NCOA1: variants seen among roughly 807,000 people sequenced by gnomAD.
The protein encoded by NCOA1 is Hin-2 protein.
NCOA1 carries 35 observed loss-of-function variants against 150.9 expected under a neutral mutation model. The observed-to-expected ratio is 0.23, with a 90% CI of 0.18 to 0.31. The LOEUF (loss-of-function observed/expected upper bound fraction) is 0.31. Among genes scored for constraint, NCOA1 ranks in the 10% least tolerant of loss-of-function variants. The pLI, the probability that NCOA1 is intolerant of heterozygous loss-of-function variation, is 1.00. For synonymous variants in NCOA1, 590 were observed against 630.0 expected (o/e 0.94, Z 0.95); for missense variants, 1,491 against 1,749.3 (o/e 0.85, Z 2.63).
At position 24,491,545 on chromosome 2, in the gene NCOA1, G is replaced by C. The variant is rs1662958727; in HGVS notation, c.-453G>C. On this transcript the variant is annotated 5_prime_UTR_variant, in exon 1 of 23. Coordinates refer to ENST00000348332, the MANE Select transcript of NCOA1 (RefSeq NM_003743.5). Reference sequence around the variant, plus strand: ...CGGCGGAGGCCGGGGCGGCGCCGCCGCCACGGTCGCGGACGAGTGCGGCGC... The same window carrying C: ...CGGCGGAGGCCGGGGCGGCGCCGCCCCCACGGTCGCGGACGAGTGCGGCGC... 3.2e-4 allele frequency among the ~76,000 whole-genome samples: 1 copy of C among 3,148 alleles called. No individual in the cohort carries two copies. Among genetic ancestry groups the C allele is most frequent in the African/African-American group, 1.2e-3 (1 of 850 alleles). 2.1% of individuals were successfully genotyped at this position (3,148 alleles called of 152,430 possible). A position where few individuals can be genotyped will look rare whatever the true frequency, so the allele number is the denominator to read the frequency against.
chr2:24,766,542 G>A (rs1005756016), intron 22 of NCOA1, among the ~76,000 whole-genome samples: 1 of 152,138 alleles, frequency 6.6e-6, no homozygotes, highest in Non-Finnish European at 1.5e-5. Flanking sequence ...TACAGAAAGG[G>A]AGAAGAAAAA....
intron 1 of NCOA1, among the ~76,000 whole-genome samples, chr2:24,519,315 A>G (rs932054621): frequency 5.9e-5 from 9 of 152,162 alleles, no homozygotes; most frequent in Admixed American, 3.3e-4. Context: ...ACAAAAGATC[A>G]CTATAGAGTG....
At chr2:24,709,171 GATTT>G (rs992060913) in intron 13 of NCOA1, among the ~76,000 whole-genome samples, 1 of 152,180 alleles carries the variant, frequency 6.6e-6, no homozygotes, top group African/African-American at 2.4e-5. Context: ...AAAAGGAAAA[GATTT>G]ATAAGATAAT....
chr2:24,730,132 C>T (rs1662927700), intron 17 of NCOA1, among the ~76,000 whole-genome samples: 1 of 152,208 alleles, frequency 6.6e-6, no homozygotes, highest in Non-Finnish European at 1.5e-5. Context: ...GCGTGAGCCA[C>T]CGCACCCTGC....
chr2:24,570,894 C>G (rs1666718261), intron 2 of NCOA1, among the ~76,000 whole-genome samples: 2 of 152,088 alleles, frequency 1.3e-5, no homozygotes, highest in African/African-American at 4.8e-5. Flanking sequence ...GAGGAGGAAA[C>G]CGTAGATTAA....
chr2:24,738,521 A>G (rs1382954993), intron 17 of NCOA1, among the ~76,000 whole-genome samples: 2 of 152,190 alleles, frequency 1.3e-5, no homozygotes, highest in African/African-American at 4.8e-5. Flanking sequence ...CCTGGTCTAG[A>G]CTGATCTTCC....
chr2:24,499,694 C>T (rs1345325359), intron 1 of NCOA1, among the ~76,000 whole-genome samples: 1 of 152,196 alleles, frequency 6.6e-6, no homozygotes, highest in Non-Finnish European at 1.5e-5. Context: ...TTGGAAGCCC[C>T]TGGCTCTCAT....
At chr2:24,700,055 A>G (rs1004691711) in intron 11 of NCOA1, among the ~76,000 whole-genome samples, 25 of 152,116 alleles carry the variant, frequency 1.6e-4, no homozygotes, top group Admixed American at 3.9e-4. Context: ...AGGCAGGAGA[A>G]TCACTTGAAC....
intron 7 of NCOA1, among the ~76,000 whole-genome samples, chr2:24,678,170 G>A (rs184274957): frequency 2.5e-3 from 380 of 152,268 alleles, no homozygotes; most frequent in Non-Finnish European, 4.1e-3. Context: ...AATTTGCTGA[G>A]AATAACAGCT....
chr2:24,620,545 G>A (rs1324591153), intron 3 of NCOA1, among the ~76,000 whole-genome samples: 2 of 152,142 alleles, frequency 1.3e-5, no homozygotes, highest in African/African-American at 2.4e-5. Flanking sequence ...GGAGGCGGAG[G>A]TTTTGGTGAG....
intron 1 of NCOA1, among the ~76,000 whole-genome samples, chr2:24,518,395 C>T (rs945105710): frequency 9.9e-5 from 15 of 151,932 alleles, no homozygotes; most frequent in African/African-American, 3.4e-4. Flanking sequence ...TACTTAATGA[C>T]GAAAGACTAA....
chr2:24,523,267 A>G (rs1664497604), intron 1 of NCOA1, among the ~76,000 whole-genome samples: 1 of 152,174 alleles, frequency 6.6e-6, no homozygotes, highest in African/African-American at 2.4e-5. Flanking sequence ...GATTGTTATT[A>G]TTAGAGTCTC....
At chr2:24,531,964 A>G (rs958051232) in intron 1 of NCOA1, among the ~76,000 whole-genome samples, 3 of 152,210 alleles carry the variant, frequency 2.0e-5, no homozygotes, top group African/African-American at 4.8e-5. Context: ...TCCTTTGGGT[A>G]TATACCCAGT....
chr2:24,630,140 C>T (rs906555195), intron 3 of NCOA1, among the ~76,000 whole-genome samples: 11 of 152,238 alleles, frequency 7.2e-5, no homozygotes, highest in Admixed American at 5.2e-4. Flanking sequence ...CCACCGCGCC[C>T]GGCCGTAACT....
chr2:24,517,352 A>G (rs2148125975), intron 1 of NCOA1, among the ~76,000 whole-genome samples: 1 of 151,738 alleles, frequency 6.6e-6, no homozygotes, highest in African/African-American at 2.4e-5. Context: ...CCCTTTTCCA[A>G]GACCCAGTGT....
At chr2:24,683,586 T>C (rs1572587388) in intron 8 of NCOA1, among the ~76,000 whole-genome samples, 2 of 152,328 alleles carry the variant, frequency 1.3e-5, no homozygotes, top group East Asian at 3.9e-4. Flanking sequence ...CTGAGGAGCC[T>C]AGCTGAGAGG....
In NCOA1 at chr2:24,691,771, T is replaced by A. The variant is rs924353151; in HGVS notation, c.712+111T>A. ...CAGATAGTATTTTTGGTTACTATAA[T>A]ATGTATCATAGTGGCTATTCCATTT... On this transcript the variant is annotated intron_variant, in intron 9 of 22. Transcript: ENST00000348332. 32 of 1,081,222 alleles carry A rather than the reference T, an allele frequency of 3.0e-5. No individual in the cohort carries two copies. The African/African-American group carries it at 4.8e-4, about 16-fold the overall frequency. The allele number at this position is 1,081,222 out of a possible 1,614,324, so 67.0% of individuals were successfully genotyped here.
intron 3 of NCOA1, among the ~76,000 whole-genome samples, chr2:24,597,877 C>T (rs145758390): frequency 3.4e-4 from 51 of 152,164 alleles, no homozygotes; most frequent in African/African-American, 1.2e-3. Flanking sequence ...GTGCTGCACC[C>T]ATTAACTCGT....
At chr2:24,518,572 A>T (rs1466635444) in intron 1 of NCOA1, among the ~76,000 whole-genome samples, 2 of 152,176 alleles carry the variant, frequency 1.3e-5, no homozygotes, top group Non-Finnish European at 2.9e-5. Flanking sequence ...GATGACATTG[A>T]TTATCTACGG....
Sources: gnomAD v4.1 joint callset for allele counts (sites outside exome capture counted in the v4.1 genomes callset) on GRCh38, gnomAD v4.1.1 for gene constraint, MANE v1.5 for transcripts, NCBI Gene and HGNC (gene_info 2026-07-23, HGNC 2026-07-21) for gene names.